Variants in ATP2B2 observed in about 807,000 individuals in gnomAD.
ATP2B2 encodes plasma membrane calcium-transporting ATPase 2.
In ATP2B2, 15 loss-of-function variants were observed where a neutral mutation model predicts 120.0. The ratio of observed to expected loss-of-function variants is 0.12; its 90% CI spans 0.08 to 0.19. The LOEUF is 0.19. Ranked by LOEUF, ATP2B2 falls within the 10% of genes least tolerant of loss-of-function variation. The pLI, the probability that ATP2B2 is intolerant of heterozygous loss-of-function variation, is 1.00. For synonymous variants in ATP2B2, 694 were observed against 700.3 expected (o/e 0.99, Z 0.14); for missense variants, 1,045 against 1,719.8 (o/e 0.61, Z 6.94).
chr3:10,636,618 T>C (rs550227198), intron 1 of ATP2B2, among the ~76,000 whole-genome samples: 110 of 152,268 alleles, frequency 7.2e-4, no homozygotes, highest in Non-Finnish European at 1.2e-3. Context: ...AAAACAACAG[T>C]TTGTTTGCAC....
At chr3:10,483,198 G>A (rs2065484349) in intron 1 of ATP2B2, among the ~76,000 whole-genome samples, 1 of 152,192 alleles carries the variant, frequency 6.6e-6, no homozygotes, top group African/African-American at 2.4e-5. Context: ...CACACACATT[G>A]CTTCTTATTT....
chr3:10,605,357 C>A (rs1301639945), intron 2 of ATP2B2, among the ~76,000 whole-genome samples: 1 of 152,206 alleles, frequency 6.6e-6, no homozygotes, highest in African/African-American at 2.4e-5. Flanking sequence ...TATGGAAAGA[C>A]TGAGGCTGGA....
At chr3:10,453,100 A>G (rs932924681) in intron 1 of ATP2B2, among the ~76,000 whole-genome samples, 3 of 152,236 alleles carry the variant, frequency 2.0e-5, no homozygotes, top group Non-Finnish European at 4.4e-5. Context: ...AGTGTTTTAC[A>G]GAAATATCTA....
At chr3:10,568,515 G>A (rs1249292331) in intron 2 of ATP2B2, among the ~76,000 whole-genome samples, 1 of 152,206 alleles carries the variant, frequency 6.6e-6, no homozygotes, top group African/African-American at 2.4e-5. Flanking sequence ...GGTTCAGGAG[G>A]CTGAAACTCA....
intron 3 of ATP2B2, among the ~76,000 whole-genome samples, chr3:10,518,381 G>C (rs769403224): frequency 3.9e-5 from 6 of 152,092 alleles, no homozygotes; most frequent in Non-Finnish European, 7.4e-5. Context: ...CAGGACCGTG[G>C]GTTTAGGCAG....
chr3:10,664,923 C>T (rs534411707), intron 1 of ATP2B2, among the ~76,000 whole-genome samples: 7 of 152,218 alleles, frequency 4.6e-5, no homozygotes, highest in African/African-American at 1.4e-4. Flanking sequence ...ATTTGGACAC[C>T]TCCCCCAACC....
intron 1 of ATP2B2, among the ~76,000 whole-genome samples, chr3:10,676,525 C>T (rs752675692): frequency 8.0e-6 from 1 of 125,334 alleles, no homozygotes; most frequent in South Asian, 3.2e-4. Flanking sequence ...GGGACAGAAC[C>T]ACACACACAC....
At chr3:10,615,567 G>A (rs2069362660) in intron 2 of ATP2B2, among the ~76,000 whole-genome samples, 2 of 152,128 alleles carry the variant, frequency 1.3e-5, no homozygotes, top group Non-Finnish European at 2.9e-5. Flanking sequence ...GATCTAAGAA[G>A]GTCAGCTGAC....
chr3:10,565,665 C>T (rs1471375282), intron 2 of ATP2B2, among the ~76,000 whole-genome samples: 1 of 152,176 alleles, frequency 6.6e-6, no homozygotes, highest in Non-Finnish European at 1.5e-5. Context: ...AGTTGGTCTT[C>T]AATGTGGAGC....
intron 2 of ATP2B2, among the ~76,000 whole-genome samples, chr3:10,576,268 T>C (rs2068244654): frequency 6.6e-6 from 1 of 152,208 alleles, no homozygotes; most frequent in African/African-American, 2.4e-5. Context: ...CTTGCAGGCA[T>C]GAGCATGCTT....
chr3:10,625,631 G>A (rs1421255285), intron 1 of ATP2B2, among the ~76,000 whole-genome samples: 1 of 152,198 alleles, frequency 6.6e-6, no homozygotes, highest in East Asian at 1.9e-4. Flanking sequence ...GCCGGGCCCA[G>A]AGTGTATTCA....
chr3:10,336,352 C>A, intron 22 of ATP2B2: 1 of 1,521,886 alleles, frequency 6.6e-7, no homozygotes, highest in Non-Finnish European at 8.9e-7. Flanking sequence ...AGCACAACGG[C>A]TACATGACTG....
intron 2 of ATP2B2, among the ~76,000 whole-genome samples, chr3:10,428,073 C>G (rs1393401932): frequency 6.6e-6 from 1 of 152,220 alleles, no homozygotes; most frequent in Non-Finnish European, 1.5e-5. Flanking sequence ...GACCTGCCAT[C>G]CATCCATTTG....
intron 2 of ATP2B2, among the ~76,000 whole-genome samples, chr3:10,579,741 C>T (rs2068340665): frequency 6.6e-6 from 1 of 152,126 alleles, no homozygotes; most frequent in African/African-American, 2.4e-5. Context: ...ACCTGGCAGG[C>T]AGAGGTTGCA....
rs1294701886 is a variant in ATP2B2, at chr3:10,340,276, A to G, written c.3203T>C (p.Ile1068Thr). The change falls in exon 21 of 23, where the codon ATA becomes ACA. Residue 1068 changes from isoleucine (I) to threonine (T), a missense_variant. Physicochemically the swap from Ile to Thr is moderately conservative, Grantham distance 89. Transcript: ENST00000360273. The surrounding 1 kb of genome is among the most constrained non-coding windows in gnomAD (Gnocchi z 5.0). ...PLQLDQWMWC[I>T]FIGLGELVWG... ...AACGAGCTCTCCTAACCCAATGAATATGCACCACATCCACTGGTCCAGCTG... is the reference window on the plus strand; with the variant it reads ...AACGAGCTCTCCTAACCCAATGAATGTGCACCACATCCACTGGTCCAGCTG... 2 of 1,614,050 alleles carry G rather than the reference A, an allele frequency of 1.2e-6. No individual in the cohort carries two copies. Among genetic ancestry groups the G allele is most frequent in the South Asian group, 1.1e-5 (1 of 91,068 alleles).
intron 1 of ATP2B2, among the ~76,000 whole-genome samples, chr3:10,496,862 AC>A (rs2066172381): frequency 6.6e-6 from 1 of 151,060 alleles, no homozygotes; most frequent in African/African-American, 2.4e-5. Context: ...GGCTGGCTGC[AC>A]CCAGGTCTTT....
intron 2 of ATP2B2, among the ~76,000 whole-genome samples, chr3:10,555,462 TC>T (rs2067758152): frequency 6.6e-6 from 1 of 152,234 alleles, no homozygotes; most frequent in Non-Finnish European, 1.5e-5. Flanking sequence ...CGGGAAGCCT[TC>T]CCTGACCTCC....
chr3:10,654,530 G>A (rs2070559344), intron 1 of ATP2B2, among the ~76,000 whole-genome samples: 1 of 152,122 alleles, frequency 6.6e-6, no homozygotes, highest in Admixed American at 6.5e-5. Context: ...CCTGGAGGGT[G>A]CAGGTCCTGA....
At chr3:10,667,467 G>A (rs1447035437) in intron 1 of ATP2B2, among the ~76,000 whole-genome samples, 2 of 152,212 alleles carry the variant, frequency 1.3e-5, no homozygotes, top group Admixed American at 6.5e-5. Context: ...GGGTGAGAAC[G>A]CATCCTTCTG....
Sources: allele counts gnomAD v4.1 joint callset (sites outside exome capture counted in the v4.1 genomes callset), GRCh38; gene constraint gnomAD v4.1.1; non-coding constraint Gnocchi (gnomAD v3.1); transcripts MANE v1.5; gene names NCBI Gene and HGNC (gene_info 2026-07-23, HGNC 2026-07-21).